The following USP37 variants were observed in gnomAD, a reference collection of about 807,000 sequenced individuals.
USP37 encodes the protein ubiquitin specific peptidase 37.
A neutral mutation model predicts 124.0 loss-of-function variants in USP37; 27 were observed. That is an observed-to-expected ratio of 0.22 (90% confidence interval 0.16 to 0.30). The LOEUF (loss-of-function observed/expected upper bound fraction) is 0.30. USP37 is among the 10% of genes least tolerant of loss of function. The pLI is 1.00. For missense variants in USP37, 889 were observed against 1,140.4 expected (o/e 0.78, Z 3.17); for synonymous variants, 365 against 388.0 (o/e 0.94, Z 0.70).
At chr2:218,526,509 G>C (rs1361190203) in intron 10 of USP37, among the ~76,000 whole-genome samples, 1 of 152,056 alleles carries the variant, frequency 6.6e-6, no homozygotes, top group Non-Finnish European at 1.5e-5. Flanking sequence ...CTTCCACAAT[G>C]GTTGAACTAA....
At chr2:218,540,122 G>A (rs879495350) in intron 8 of USP37, among the ~76,000 whole-genome samples, 3 of 152,004 alleles carry the variant, frequency 2.0e-5, no homozygotes, top group Non-Finnish European at 4.4e-5. Flanking sequence ...CACTACTGTC[G>A]TGCTTTGGAT....
At position 218,560,843 on chromosome 2, in the gene USP37, G is replaced by C. The variant is rs1036341618; in HGVS notation, c.-48C>G. ...ACCTACAGGCAGGATACAGTTTGGG[G>C]GCCCCTAGTTGGAGGTCTCTGGTTA... On this transcript the variant is annotated 5_prime_UTR_variant, in exon 3 of 26. Transcript: ENST00000258399. 3 of 152,094 alleles carry C rather than the reference G, an allele frequency of 2.0e-5. No individual in the cohort carries two copies. The highest frequency in any genetic ancestry group is 2.1e-4 in the South Asian group (1 of 4,822). The allele number at this position is 152,094 out of a possible 1,614,324, so 9.4% of individuals were successfully genotyped here.
chr2:218,557,217 A>C (rs1693040241), intron 4 of USP37, among the ~76,000 whole-genome samples: 1 of 152,152 alleles, frequency 6.6e-6, no homozygotes, highest in Non-Finnish European at 1.5e-5. Context: ...GGTTTTAACA[A>C]ACGAATGCTG....
chr2:218,456,960 A>T, intron 24 of USP37, 132 bp downstream of exon 24: 1 of 870,016 alleles, frequency 1.1e-6, no homozygotes, highest in Non-Finnish European at 1.7e-6. Context: ...ACAGAGTGAG[A>T]CTGGATCTCA....
chr2:218,486,637 G>C (rs973832674), intron 15 of USP37, among the ~76,000 whole-genome samples: 2 of 151,532 alleles, frequency 1.3e-5, no homozygotes, highest in Admixed American at 1.3e-4. Context: ...TGGCCAGGCT[G>C]GTATTGAACT....
chr2:218,529,943 A>G lies in USP37; in HGVS notation c.863+13T>C. The G allele has an allele frequency of 6.3e-7, 1 of 1,587,876 alleles. No individual in the cohort carries two copies. On this transcript the variant is annotated intron_variant, in intron 10 of 25. Coordinates refer to ENST00000258399, the MANE Select transcript of USP37 (RefSeq NM_020935.3). ...CTCCTAAGTTTTTCACAAGTAATAT[A>G]ACCAATGCATACCTGTCTAAGTTAG...
intron 10 of USP37, among the ~76,000 whole-genome samples, chr2:218,524,811 T>C (rs1347180545): frequency 6.6e-6 from 1 of 152,200 alleles, no homozygotes; most frequent in African/African-American, 2.4e-5. Flanking sequence ...CGTTTCGCCA[T>C]GTTGGCCAGG....
intron 2 of USP37, among the ~76,000 whole-genome samples, chr2:218,562,104 C>T (rs1447556917): frequency 1.3e-5 from 2 of 152,198 alleles, no homozygotes; most frequent in African/African-American, 4.8e-5. Context: ...TTTCATAATG[C>T]CTCAATTTAG....
At chr2:218,467,568 C>T (rs1310981837) in intron 20 of USP37, among the ~76,000 whole-genome samples, 3 of 152,046 alleles carry the variant, frequency 2.0e-5, no homozygotes, top group Non-Finnish European at 4.4e-5. Context: ...AGGCTGGTCT[C>T]GAACTCCCGA....
At chr2:218,547,670 T>A (rs1486755344) in intron 6 of USP37, among the ~76,000 whole-genome samples, 1 of 150,412 alleles carries the variant, frequency 6.6e-6, no homozygotes, top group African/African-American at 2.4e-5. Flanking sequence ...AAATATCTAA[T>A]TATGATTATG....
In USP37 at chr2:218,546,223, T is replaced by C. The variant is rs374915332; in HGVS notation, c.678A>G (p.Ser226=). 16 of 1,611,378 alleles carry C rather than the reference T, an allele frequency of 9.9e-6. No individual in the cohort carries two copies. The highest frequency in any genetic ancestry group is 1.3e-5 in the African/African-American group (1 of 74,848). Residue 226 remains serine (S), a splice_region_variant and synonymous_variant, in exon 8 of 26, where the codon TCA becomes TCG. Transcript: ENST00000258399. ...NEDYPKENDS[S]SNNKAMTDPS... ...TAAAGGCCCTTAAAGTAACTTACGA[T>C]GATGAATCATTTTCCTTAGGGTAAT...
At chr2:218,487,412 T>G (rs1023027565) in intron 15 of USP37, among the ~76,000 whole-genome samples, 1 of 152,220 alleles carries the variant, frequency 6.6e-6, no homozygotes, top group Admixed American at 6.5e-5. Flanking sequence ...AATATTTGTT[T>G]ACAAATAACA....
chr2:218,512,187 A>G (rs1690038604), intron 10 of USP37, among the ~76,000 whole-genome samples: 1 of 152,158 alleles, frequency 6.6e-6, no homozygotes, highest in South Asian at 2.1e-4. Context: ...CAGCCTGGTC[A>G]ACATATCAAG....
intron 14 of USP37, among the ~76,000 whole-genome samples, chr2:218,489,012 C>T (rs545319529): frequency 5.9e-5 from 9 of 152,162 alleles, no homozygotes; most frequent in South Asian, 2.1e-4. Flanking sequence ...GTGAACCTGT[C>T]GCAGGTATAC....
chr2:218,460,160 T>G (rs1689931543), intron 22 of USP37, among the ~76,000 whole-genome samples: 1 of 150,530 alleles, frequency 6.6e-6, no homozygotes. Context: ...CTTGGGAGGC[T>G]GAGGCAGGAG....
intron 9 of USP37, 63 bp from the exon 10 acceptor site, chr2:218,530,103 T>C: frequency 7.8e-7 from 1 of 1,287,546 alleles, no homozygotes; most frequent in Non-Finnish European, 1.1e-6. Context: ...GTTCATTTAA[T>C]AATAAAAGTA....
chr2:218,532,760 C>T (rs1398823874), intron 9 of USP37, among the ~76,000 whole-genome samples: 3 of 151,998 alleles, frequency 2.0e-5, no homozygotes, highest in Middle Eastern at 6.8e-3. Context: ...AAAACCATGT[C>T]TCTACAAAAA....
chr2:218,485,408 C>T (rs1442010744), intron 16 of USP37, among the ~76,000 whole-genome samples: 1 of 152,014 alleles, frequency 6.6e-6, no homozygotes, highest in African/African-American at 2.4e-5. Flanking sequence ...CCTACCTCAG[C>T]CTCCCAAAGT....
At chr2:218,562,237 A>G (rs1693350560) in intron 2 of USP37, among the ~76,000 whole-genome samples, 1 of 152,246 alleles carries the variant, frequency 6.6e-6, no homozygotes, top group Admixed American at 6.5e-5. Context: ...ATGAAGCATG[A>G]TCCAGTAACA....
Sources: allele counts gnomAD v4.1 joint callset (sites outside exome capture counted in the v4.1 genomes callset), GRCh38; gene constraint gnomAD v4.1.1; transcripts MANE v1.5; gene names NCBI Gene and HGNC (gene_info 2026-07-23, HGNC 2026-07-21).